TRIM24: variants seen among roughly 807,000 people sequenced by gnomAD.
TRIM24 encodes the protein transcription intermediary factor 1-alpha.
Under a neutral mutation model 123.9 loss-of-function variants are expected in TRIM24, and 29 were observed. The observed-to-expected ratio is 0.23, with a 90% CI of 0.17 to 0.32. The LOEUF (loss-of-function observed/expected upper bound fraction) is 0.32, where lower values mean the gene tolerates loss of function less well. Ranked by LOEUF, TRIM24 falls within the 10% of genes least tolerant of loss-of-function variation. TRIM24 has a pLI of 1.00. For missense variants in TRIM24, 932 were observed against 1,295.3 expected (o/e 0.72, Z 4.31); for synonymous variants, 456 against 461.1 (o/e 0.99, Z 0.14).
Position 138,542,882 on chromosome 7 carries a change from T to C in TRIM24, c.1143+4079T>C, listed in dbSNP as rs543104215. On this transcript the variant is annotated intron_variant, in intron 7 of 18. Transcript: ENST00000343526. The stretch of plus-strand genomic sequence containing the variant: ...AGGATTTGTTTTCCTTTCATAATTA[T>C]CAGTGCTATAGTCTCCATCCTGAGT... Among the ~76,000 whole-genome samples the C allele has an allele frequency of 6.6e-5, 10 of 152,356 alleles. No homozygotes were observed. The South Asian group carries it at 1.9e-3, about 28-fold the overall frequency.
intron 1 of TRIM24, among the ~76,000 whole-genome samples, chr7:138,498,944 G>GT (rs1795973340): frequency 1.3e-5 from 2 of 151,984 alleles, no homozygotes; most frequent in Non-Finnish European, 2.9e-5. Flanking sequence ...TGCTCACATT[G>GT]TTTTTTTAAA....
chr7:138,463,933 T>C (rs1795069192), intron 1 of TRIM24, among the ~76,000 whole-genome samples: 1 of 150,986 alleles, frequency 6.6e-6, no homozygotes, highest in South Asian at 2.1e-4. Flanking sequence ...GGGTATTTTG[T>C]CCCTTTATCT....
intron 1 of TRIM24, among the ~76,000 whole-genome samples, chr7:138,482,600 C>T (rs1005420271): frequency 2.0e-5 from 3 of 152,092 alleles, no homozygotes; most frequent in East Asian, 1.9e-4. Flanking sequence ...CTTTCTTTAC[C>T]GACTCGTTAA....
intron 1 of TRIM24, among the ~76,000 whole-genome samples, chr7:138,495,551 C>CT (rs1795886494): frequency 6.6e-6 from 1 of 151,798 alleles, no homozygotes; most frequent in Non-Finnish European, 1.5e-5. Context: ...ATCCTTTTTT[C>CT]TTTGTATTTA....
chr7:138,481,947 A>G (rs1795535987), intron 1 of TRIM24, among the ~76,000 whole-genome samples: 1 of 152,178 alleles, frequency 6.6e-6, no homozygotes. Flanking sequence ...TCTACCTGCT[A>G]TCCAAGCCCC....
At chr7:138,494,854 T>C (rs1051748350) in intron 1 of TRIM24, among the ~76,000 whole-genome samples, 1 of 152,154 alleles carries the variant, frequency 6.6e-6, no homozygotes, top group African/African-American at 2.4e-5. Context: ...CATCTGCCAC[T>C]AGTAAAGTGA....
At chr7:138,574,164 C>G (rs1478317298) in intron 12 of TRIM24, among the ~76,000 whole-genome samples, 1 of 152,098 alleles carries the variant, frequency 6.6e-6, no homozygotes, top group African/African-American at 2.4e-5. Context: ...TGATAAGTTG[C>G]CTGTGATGTG....
At chr7:138,537,379 G>GTTTGTT (rs1796906222) in intron 6 of TRIM24, among the ~76,000 whole-genome samples, 1 of 56,636 alleles carries the variant, frequency 1.8e-5, no homozygotes. Context: ...ACCCCTGTTT[G>GTTTGTT]TTTTTTTTTT....
chr7:138,536,605 G>C (rs1296835972), intron 6 of TRIM24, among the ~76,000 whole-genome samples: 1 of 152,234 alleles, frequency 6.6e-6, no homozygotes, highest in Admixed American at 6.5e-5. Flanking sequence ...ACCCGGCTGT[G>C]TGAGGTGTCA....
chr7:138,461,238 G>A (rs1296936756), intron 1 of TRIM24: 2 of 613,312 alleles, frequency 3.3e-6, no homozygotes. Flanking sequence ...CGGAATCTCG[G>A]GTTCTTTGCC....
intron 1 of TRIM24, among the ~76,000 whole-genome samples, chr7:138,462,419 C>A (rs1795014483): frequency 6.7e-6 from 1 of 149,810 alleles, no homozygotes; most frequent in South Asian, 2.1e-4. Context: ...CGGCTCACTG[C>A]AAGCTCCGCC....
intron 12 of TRIM24, among the ~76,000 whole-genome samples, chr7:138,574,641 A>AGACTT (rs1797719784): frequency 6.6e-6 from 1 of 152,234 alleles, no homozygotes; most frequent in Non-Finnish European, 1.5e-5. Flanking sequence ...GAATTAGCTA[A>AGACTT]GACTTAAATA....
chr7:138,461,744 T>C (rs952222122), intron 1 of TRIM24, among the ~76,000 whole-genome samples: 1 of 152,250 alleles, frequency 6.6e-6, no homozygotes, highest in Non-Finnish European at 1.5e-5. Flanking sequence ...GTAGAACACT[T>C]GGCGGTTTTT....
chr7:138,510,287 T>A (rs1796258280), intron 2 of TRIM24, among the ~76,000 whole-genome samples: 1 of 151,992 alleles, frequency 6.6e-6, no homozygotes, highest in Non-Finnish European at 1.5e-5. Flanking sequence ...TATACTAGAG[T>A]GGAGTTGGAG....
intron 9 of TRIM24, 117 bp downstream of exon 9, chr7:138,555,083 T>A (rs1797288813): frequency 1.8e-6 from 2 of 1,092,528 alleles, no homozygotes; most frequent in East Asian, 2.5e-5. Flanking sequence ...TTTATAAAAA[T>A]TTATCACATT....
rs753963633 is a variant in TRIM24, at chr7:138,460,659, G to C, written c.111G>C (p.Gln37His). 1.3e-6 allele frequency: 2 copies of C among 1,493,274 alleles called. No homozygotes were observed. 92.5% of individuals were successfully genotyped at this position (1,493,274 alleles called of 1,614,324 possible). Reference sequence around the variant, plus strand: ...GGGAGAACGAGGCCGAGAGTCGGCAGGGCCCGGACTCGGAGCGCGGCGGCG... The same window carrying C: ...GGGAGAACGAGGCCGAGAGTCGGCACGGCCCGGACTCGGAGCGCGGCGGCG... Reference protein sequence around the residue: ...PSGENEAESRQGPDSERGGEA... With the variant: ...PSGENEAESRHGPDSERGGEA... Residue 37 changes from glutamine to histidine, a missense_variant, in exon 1 of 19, where the codon CAG becomes CAC. By Grantham distance (24) the Gln-to-His change is conservative. Around this residue, in one of 7 missense-constraint regions of TRIM24, gnomAD observed 164 missense variants for 181.9 expected, o/e 0.90. Coordinates refer to ENST00000343526, the MANE Select transcript of TRIM24 (RefSeq NM_015905.3).
intron 1 of TRIM24, among the ~76,000 whole-genome samples, chr7:138,467,947 A>G (rs1584681725): frequency 6.6e-6 from 1 of 152,078 alleles, no homozygotes; most frequent in East Asian, 1.9e-4. Context: ...TGTAGTCTAC[A>G]GGGAGATAGC....
intron 1 of TRIM24, among the ~76,000 whole-genome samples, chr7:138,468,146 C>A: frequency 6.6e-6 from 1 of 152,274 alleles, no homozygotes; most frequent in African/African-American, 2.4e-5. Context: ...TCTATAGATG[C>A]CCATTATCAA....
intron 6 of TRIM24, among the ~76,000 whole-genome samples, chr7:138,533,908 A>C (rs1377657078): frequency 6.6e-6 from 1 of 152,136 alleles, no homozygotes; most frequent in Non-Finnish European, 1.5e-5. Flanking sequence ...TTATTGGTCT[A>C]TTCAGGGATT....
Sources: allele counts gnomAD v4.1 joint callset (sites outside exome capture counted in the v4.1 genomes callset), GRCh38; gene constraint gnomAD v4.1.1; regional missense constraint gnomAD v4.1.1; transcripts MANE v1.5; gene names NCBI Gene and HGNC (gene_info 2026-07-23, HGNC 2026-07-21).